NFIB: variants seen among roughly 807,000 people sequenced by gnomAD.
NFIB encodes the protein nuclear factor I B.
NFIB carries 11 observed loss-of-function variants against 61.5 expected under a neutral mutation model. That is an observed-to-expected ratio of 0.18 (90% CI 0.11 to 0.30). NFIB has a LOEUF of 0.30. NFIB is among the 10% of genes least tolerant of loss of function. The pLI, the probability that NFIB is intolerant of heterozygous loss-of-function variation, is 1.00. For missense variants in NFIB, 471 were observed against 608.9 expected, an observed-to-expected ratio of 0.77 and a Z score of 2.38; for synonymous variants, 260 against 216.5, an observed-to-expected ratio of 1.20 and a Z score of -1.76.
intron 2 of NFIB, among the ~76,000 whole-genome samples, chr9:14,218,270 G>C (rs2051190399): frequency 6.6e-6 from 1 of 152,060 alleles, no homozygotes; most frequent in African/African-American, 2.4e-5. Flanking sequence ...TTTTTTTTAA[G>C]TTTAAAATTC....
intron 2 of NFIB, among the ~76,000 whole-genome samples, chr9:14,301,864 G>A (rs1233864418): frequency 1.3e-5 from 2 of 152,266 alleles, no homozygotes; most frequent in East Asian, 3.9e-4. Flanking sequence ...TTAAGCCTAG[G>A]AGCAAGACAT....
rs567996235 is a variant in NFIB at position 14,295,703 on chromosome 9, G to T, written c.562+11286C>A. ...TAGCCACATCATCATCACTTCTGCCGAAACAAATCTAAAACGTAAGTGTAG... is the reference window on the plus strand; with the variant it reads ...TAGCCACATCATCATCACTTCTGCCTAAACAAATCTAAAACGTAAGTGTAG... On this transcript the variant is annotated intron_variant, in intron 2 of 10. Coordinates refer to ENST00000380953, the MANE Select transcript of NFIB (RefSeq NM_001190737.2). Among the ~76,000 whole-genome samples the T allele has an allele frequency of 1.5e-4, 23 of 152,190 alleles. No individual in the cohort carries two copies. In the South Asian group the frequency reaches 4.8e-3, roughly 32 times the overall value.
At chr9:14,089,744 C>A (rs559057147) in intron 10 of NFIB, among the ~76,000 whole-genome samples, 26 of 152,214 alleles carry the variant, frequency 1.7e-4, no homozygotes, top group African/African-American at 5.3e-4. Context: ...TCTAGATATG[C>A]TCATTTGTTC....
Position 14,313,476 on chromosome 9 carries a change from AT to A in NFIB, c.30+5del. ...GAAAGCTCGAGAAAGCGACCGAGAC[AT>A]GTACCTGAGTGAGACAGATGGGAGA... On this transcript the variant is annotated splice_donor_5th_base_variant and intron_variant, in intron 1 of 10. Coordinates refer to ENST00000380953, the MANE Select transcript of NFIB (RefSeq NM_001190737.2). This position sits in a 1 kb window ranked among gnomAD's most constrained non-coding sequence, Gnocchi z 4.5. The A allele has an allele frequency of 6.2e-7, 1 of 1,614,018 alleles. No individual in the cohort carries two copies. Among genetic ancestry groups the A allele is most frequent in the Non-Finnish European group, 8.5e-7 (1 of 1,179,926 alleles).
intron 2 of NFIB, among the ~76,000 whole-genome samples, chr9:14,263,445 T>C (rs955468241): frequency 1.3e-5 from 2 of 152,208 alleles, no homozygotes; most frequent in African/African-American, 4.8e-5. Context: ...TCTGTTTCCA[T>C]ACCCGTATTT....
At chr9:14,400,306 T>C (rs1288856223), upstream of NFIB, among the ~76,000 whole-genome samples, 1 of 152,196 alleles carries the variant, frequency 6.6e-6, no homozygotes, top group African/African-American at 2.4e-5. Flanking sequence ...ATATGTGCAT[T>C]CAGAAACGAT....
chr9:14,123,763 T>TAGTTTGCCCCTCTGCCTCCC (rs939142522), intron 7 of NFIB, among the ~76,000 whole-genome samples: 14 of 151,820 alleles, frequency 9.2e-5, no homozygotes, highest in Non-Finnish European at 1.2e-4. Context: ...CTCTTCCTCT[T>TAGTTTGCCCCTCTGCCTCCC]AGTTTGCCCC....
intron 1 of NFIB, among the ~76,000 whole-genome samples, chr9:14,312,679 T>C (rs149289277): frequency 6.6e-6 from 1 of 152,304 alleles, no homozygotes; most frequent in East Asian, 1.9e-4. Context: ...ACATTATTCC[T>C]AAGGTCTTAG....
At chr9:14,139,524 C>T (rs538803756) in intron 6 of NFIB, among the ~76,000 whole-genome samples, 1 of 152,246 alleles carries the variant, frequency 6.6e-6, no homozygotes, top group South Asian at 2.1e-4. Flanking sequence ...AGCTAGAAAC[C>T]CAGTATTAAA....
intron 2 of NFIB, among the ~76,000 whole-genome samples, chr9:14,231,063 C>G (rs1165150806): frequency 7.0e-6 from 1 of 142,244 alleles, no homozygotes; most frequent in Non-Finnish European, 1.5e-5. Context: ...GAACAAACCA[C>G]TAAGAAATAA....
intron 2 of NFIB, among the ~76,000 whole-genome samples, chr9:14,260,695 A>G (rs188507065): frequency 3.3e-4 from 50 of 152,306 alleles, no homozygotes; most frequent in Admixed American, 1.1e-3. Context: ...TAGAGTGACA[A>G]ACAAAATGTA....
At chr9:14,472,129 G>C in the NFIB span, among the ~76,000 whole-genome samples, 1 of 152,202 alleles carries the variant, frequency 6.6e-6, no homozygotes, top group East Asian at 1.9e-4. Flanking sequence ...AGATCATCAG[G>C]TTGACTGAAA....
chr9:14,141,841 C>G (rs1266793556), intron 6 of NFIB, among the ~76,000 whole-genome samples: 2 of 149,550 alleles, frequency 1.3e-5, no homozygotes, highest in Non-Finnish European at 3.0e-5. Context: ...GCTGGGGTCC[C>G]CCTTCCACAC....
chr9:14,315,610 C>T (rs866958399), upstream of NFIB, among the ~76,000 whole-genome samples: 1 of 146,222 alleles, frequency 6.8e-6, no homozygotes, highest in Admixed American at 6.8e-5. Context: ...AGCCGCTCGG[C>T]GCCCGCGCCG....
chr9:14,277,715 G>C (rs754068436), intron 2 of NFIB, among the ~76,000 whole-genome samples: 2 of 152,056 alleles, frequency 1.3e-5, no homozygotes, highest in African/African-American at 4.8e-5. Context: ...TCAAACAGGG[G>C]GTTCAAATGT....
chr9:14,173,466 T>G (rs76858730), intron 3 of NFIB, among the ~76,000 whole-genome samples: 2 of 152,108 alleles, frequency 1.3e-5, no homozygotes, highest in African/African-American at 2.4e-5. Context: ...GTATATATTA[T>G]TTTGTAGATT....
the NFIB span, among the ~76,000 whole-genome samples, chr9:14,482,042 T>C: frequency 9.9e-5 from 15 of 152,104 alleles, no homozygotes; most frequent in Non-Finnish European, 1.8e-4. Context: ...AGGGTTGGAA[T>C]GTTGGAATAC....
chr9:14,181,207 A>G (rs10122412), intron 2 of NFIB, among the ~76,000 whole-genome samples: 9,852 of 152,238 alleles, frequency 0.065, 920 homozygotes, highest in African/African-American at 0.21. Context: ...TTAATGCTGA[A>G]ATCAGAATTT....
chr9:14,307,795 T>C lies in NFIB; in HGVS notation c.31-275A>G. 3 of 287,526 alleles carry C rather than the reference T, an allele frequency of 1.0e-5. No homozygotes were observed. The highest frequency in any genetic ancestry group is 1.3e-5 in the Non-Finnish European group (2 of 153,340). 17.8% of individuals were successfully genotyped at this position (287,526 alleles called of 1,614,324 possible). On this transcript the variant is annotated intron_variant, in intron 1 of 10. Transcript: ENST00000380953. The surrounding 1 kb of genome is among the most constrained non-coding windows in gnomAD (Gnocchi z 5.3). ...TATTTTGTATTACACTCTGGCCCCA[T>C]CCCCCTTGTTTCCACCCCAATGCCA...
Sources: allele counts gnomAD v4.1 joint callset (sites outside exome capture counted in the v4.1 genomes callset), GRCh38; gene constraint gnomAD v4.1.1; non-coding constraint Gnocchi (gnomAD v3.1); transcripts MANE v1.5; gene names NCBI Gene and HGNC (gene_info 2026-07-23, HGNC 2026-07-21).